The following EYS variants were observed in gnomAD, a reference collection of about 807,000 sequenced individuals.
The protein encoded by EYS is EGF-like photoreceptor maintenance factor.
In EYS, 250 loss-of-function variants were observed where a neutral mutation model predicts 282.1. The ratio of observed to expected loss-of-function variants is 0.89; its 90% CI spans 0.80 to 0.98. The LOEUF is 0.98. EYS is among the 50% of genes least tolerant of loss of function. EYS has a pLI of 0.00. For missense variants in EYS, 4,016 were observed against 3,709.0 expected (o/e 1.08, Z -2.15); for synonymous variants, 1,355 against 1,282.9 (o/e 1.06, Z -1.20).
intron 26 of EYS, among the ~76,000 whole-genome samples, chr6:64,567,295 A>C (rs1765595434): frequency 6.6e-6 from 1 of 152,186 alleles, no homozygotes; most frequent in African/African-American, 2.4e-5. Context: ...TTCAATAATA[A>C]ACATCTATCT....
At chr6:65,326,412 T>G (rs974496481) in intron 11 of EYS, among the ~76,000 whole-genome samples, 2 of 151,402 alleles carry the variant, frequency 1.3e-5, no homozygotes, top group Admixed American at 1.3e-4. Context: ...AGTACATATA[T>G]TTATATATAA....
rs1036851625 is a variant in EYS, at chr6:63,752,919, G to GT, written c.8071+9541dup. ...TTCTTTTATTGAGTAGCAACCTGTT[G>GT]TATGTTATATTTTGCTTAGACTTCC... On this transcript the variant is annotated intron_variant, in intron 41 of 42. Coordinates refer to ENST00000503581, the MANE Select transcript of EYS (RefSeq NM_001142800.2). 1.6e-4 allele frequency among the ~76,000 whole-genome samples: 24 copies of GT among 151,966 alleles called. No homozygotes were observed. In the South Asian group the frequency reaches 2.1e-3, roughly 13 times the overall value.
At chr6:65,677,782 C>T (rs1445856946) in intron 1 of EYS, among the ~76,000 whole-genome samples, 1 of 151,952 alleles carries the variant, frequency 6.6e-6, no homozygotes, top group Non-Finnish European at 1.5e-5. Context: ...AGAGGGCTAA[C>T]TTCAAAACAT....
At chr6:64,015,542 G>A (rs1379560411) in intron 33 of EYS, among the ~76,000 whole-genome samples, 4 of 152,008 alleles carry the variant, frequency 2.6e-5, no homozygotes, top group Admixed American at 2.6e-4. Flanking sequence ...CACAATAAAG[G>A]ATAAAAGAAA....
rs572249333 is a variant in EYS, at chr6:63,886,102, C to T, written c.7056-21744G>A. On this transcript the variant is annotated intron_variant, in intron 35 of 42. Transcript: ENST00000503581. Reference sequence around the variant, plus strand: ...AGGGTAAGAATGGGAACTTGATGCTCAATGCTTTTAATCATGCTTTGATTT... The same window carrying T: ...AGGGTAAGAATGGGAACTTGATGCTTAATGCTTTTAATCATGCTTTGATTT... Among the ~76,000 whole-genome samples, 96 of 152,106 alleles carry T rather than the reference C, an allele frequency of 6.3e-4. 1 individual carries two copies. The highest frequency in any genetic ancestry group is 8.1e-4 in the Non-Finnish European group (55 of 68,004).
At chr6:65,166,046 C>G (rs935801401) in intron 12 of EYS, among the ~76,000 whole-genome samples, 9 of 150,956 alleles carry the variant, frequency 6.0e-5, no homozygotes, top group African/African-American at 2.2e-4. Flanking sequence ...AATATAAGAG[C>G]TATATACTGT....
At chr6:64,515,805 A>G (rs921498354) in intron 26 of EYS, among the ~76,000 whole-genome samples, 2 of 151,706 alleles carry the variant, frequency 1.3e-5, no homozygotes, top group African/African-American at 4.8e-5. Flanking sequence ...TAAATAAAAA[A>G]AAACCTTAAC....
In EYS at chr6:63,721,331, T is replaced by C; in HGVS notation, c.8700A>G (p.Arg2900=). ...TATTTCCAGCCCAATCTGGCAAACA[T>C]CTGCAAGAAAAAGTTGTGCCATTTA... The part of the protein sequence containing the change: ...CTVNGTTFSC[R]CLPDWAGNTC... Residue 2900 remains arginine (R), a synonymous_variant, in exon 43 of 43, where the codon AGA becomes AGG. Coordinates refer to ENST00000503581, the MANE Select transcript of EYS (RefSeq NM_001142800.2). 1 of 1,551,994 alleles carries C rather than the reference T, an allele frequency of 6.4e-7. No homozygotes were observed. Among genetic ancestry groups the C allele is most frequent in the Non-Finnish European group, 8.7e-7 (1 of 1,146,996 alleles).
intron 2 of EYS, among the ~76,000 whole-genome samples, chr6:65,581,514 A>G (rs1263140924): frequency 6.6e-6 from 1 of 152,128 alleles, no homozygotes; most frequent in Non-Finnish European, 1.5e-5. Flanking sequence ...ATAATTGCCA[A>G]TGTTCAATAC....
chr6:64,745,050 G>A (rs1206236341), intron 22 of EYS, among the ~76,000 whole-genome samples: 3 of 152,118 alleles, frequency 2.0e-5, no homozygotes, highest in African/African-American at 7.2e-5. Context: ...TACAGCCCTC[G>A]TTTGTCCTAA....
chr6:65,594,348 C>T (rs376096826), intron 2 of EYS, among the ~76,000 whole-genome samples: 32 of 151,836 alleles, frequency 2.1e-4, no homozygotes, highest in Non-Finnish European at 3.4e-4. Context: ...AAAACCATGG[C>T]GTTTTTCTTT....
At chr6:64,506,739 C>G in intron 26 of EYS, among the ~76,000 whole-genome samples, 1 of 151,800 alleles carries the variant, frequency 6.6e-6, no homozygotes, top group Non-Finnish European at 1.5e-5. Context: ...GGTGAAACCC[C>G]GTCTCTACTA....
chr6:64,115,082 G>A (rs998980279), intron 31 of EYS, among the ~76,000 whole-genome samples: 9 of 152,150 alleles, frequency 5.9e-5, no homozygotes, highest in Non-Finnish European at 2.9e-5. Flanking sequence ...TTGGCGCTAT[G>A]GCTGCTCCAG....
At chr6:63,859,772 T>C (rs1385917236) in intron 36 of EYS, among the ~76,000 whole-genome samples, 3 of 152,114 alleles carry the variant, frequency 2.0e-5, no homozygotes, top group Non-Finnish European at 2.9e-5. Context: ...ATCTGCAGTG[T>C]TTGTTTGTCT....
chr6:64,028,680 C>T (rs1261177098), intron 33 of EYS, among the ~76,000 whole-genome samples: 1 of 152,124 alleles, frequency 6.6e-6, no homozygotes, highest in Non-Finnish European at 1.5e-5. Flanking sequence ...TAGGGATAGC[C>T]CTCATCTGTT....
intron 11 of EYS, among the ~76,000 whole-genome samples, chr6:65,311,078 G>A (rs935857380): frequency 6.6e-6 from 1 of 151,512 alleles, no homozygotes; most frequent in African/African-American, 2.4e-5. Flanking sequence ...TTTTGAGGAG[G>A]GAATAAAAGA....
intron 12 of EYS, among the ~76,000 whole-genome samples, chr6:65,122,443 G>A (rs1256501359): frequency 6.6e-6 from 1 of 152,102 alleles, no homozygotes; most frequent in Non-Finnish European, 1.5e-5. Context: ...GTTATGAAGA[G>A]CGTGTCAATG....
At chr6:65,324,877 A>G (rs910673811) in intron 11 of EYS, among the ~76,000 whole-genome samples, 7 of 152,206 alleles carry the variant, frequency 4.6e-5, no homozygotes, top group African/African-American at 1.2e-4. Context: ...TGTCAGAGAG[A>G]TTTTTGAAAG....
chr6:64,508,936 C>A (rs1470766745), intron 26 of EYS, among the ~76,000 whole-genome samples: 1 of 151,820 alleles, frequency 6.6e-6, no homozygotes, highest in Non-Finnish European at 1.5e-5. Context: ...GATCTAGTAT[C>A]TTTCTCTGGG....
Sources: allele counts gnomAD v4.1 joint callset (sites outside exome capture counted in the v4.1 genomes callset), GRCh38; gene constraint gnomAD v4.1.1; transcripts MANE v1.5; gene names NCBI Gene and HGNC (gene_info 2026-07-23, HGNC 2026-07-21).